The following CDS2 variants were observed in gnomAD, a reference collection of about 807,000 sequenced individuals.
The protein encoded by CDS2 is phosphatidate cytidylyltransferase 2.
CDS2 carries 47 observed loss-of-function variants against 59.0 expected under a neutral mutation model. The observed-to-expected ratio is 0.80, with a 90% confidence interval of 0.63 to 1.02. The LOEUF is 1.02. Among genes scored for constraint, CDS2 ranks in the 50% least tolerant of loss-of-function variants. The pLI is 0.00. For missense variants in CDS2, 356 were observed against 558.9 expected (o/e 0.64, Z 3.66); for synonymous variants, 207 against 206.4 (o/e 1.00, Z -0.02).
chr20:5,132,065 C>A (rs1248713237), intron 1 of CDS2, among the ~76,000 whole-genome samples: 1 of 151,846 alleles, frequency 6.6e-6, no homozygotes, highest in Non-Finnish European at 1.5e-5. Context: ...AAGGACTTAG[C>A]CTTCTATGAC....
rs759139026 is a variant in CDS2 at position 5,184,981 on chromosome 20, A to AG, written c.759+40dup. The AG allele has an allele frequency of 3.4e-6, 5 of 1,454,318 alleles. No individual in the cohort carries two copies. Among genetic ancestry groups the AG allele is most frequent in the Middle Eastern group, 3.5e-4 (2 of 5,762 alleles). The allele number at this position is 1,454,318 out of a possible 1,614,324, so 90.1% of individuals were successfully genotyped here. On this transcript the variant is annotated intron_variant, in intron 8 of 12. Transcript: ENST00000460006. This position sits in a 1 kb window ranked among gnomAD's most constrained non-coding sequence, Gnocchi z 4.3. ...TACCCTAATGTGAAATACCACTGTG[A>AG]GGGGAGGGTGGTGCTCTCAATGTGA...
At chr20:5,135,446 C>CTGTTTGTGTATCA (rs1568527022) in intron 1 of CDS2, among the ~76,000 whole-genome samples, 1 of 149,626 alleles carries the variant, frequency 6.7e-6, no homozygotes, top group African/African-American at 2.6e-5. Context: ...AAAAGTACAG[C>CTGTTTGTGTATCA]TGTTTGTGTG....
intron 1 of CDS2, among the ~76,000 whole-genome samples, chr20:5,144,650 C>G (rs1426644887): frequency 6.6e-6 from 1 of 152,134 alleles, no homozygotes; most frequent in Admixed American, 6.5e-5. Flanking sequence ...GAAACTTTTC[C>G]TACATGTTTC....
At chr20:5,151,927 G>A (rs1435954359) in intron 1 of CDS2, among the ~76,000 whole-genome samples, 2 of 150,778 alleles carry the variant, frequency 1.3e-5, no homozygotes, top group Non-Finnish European at 3.0e-5. Context: ...ACCATGCCCC[G>A]CTAATTTTGT....
intron 1 of CDS2, among the ~76,000 whole-genome samples, chr20:5,158,803 A>G (rs1277743477): frequency 2.0e-5 from 3 of 152,188 alleles, no homozygotes; most frequent in Non-Finnish European, 4.4e-5. Context: ...TGCATCCTCA[A>G]GTAGTAATAA....
intron 1 of CDS2, among the ~76,000 whole-genome samples, chr20:5,134,495 A>G (rs570632655): frequency 2.0e-5 from 3 of 152,266 alleles, no homozygotes; most frequent in African/African-American, 4.8e-5. Flanking sequence ...TTTTAAATCA[A>G]TAATATTTAA....
At chr20:5,159,859 G>A (rs542177208) in intron 1 of CDS2, among the ~76,000 whole-genome samples, 1 of 152,152 alleles carries the variant, frequency 6.6e-6, no homozygotes, top group East Asian at 1.9e-4. Context: ...AAAAAAATGG[G>A]GTTGTGCACC....
chr20:5,161,083 G>A (rs1295861915), intron 1 of CDS2, among the ~76,000 whole-genome samples: 1 of 152,152 alleles, frequency 6.6e-6, no homozygotes, highest in Admixed American at 6.5e-5. Context: ...TGGAATTGCT[G>A]AGTCATGTGG....
chr20:5,184,771 G>T lies in CDS2; in HGVS notation c.672-87G>T. On this transcript the variant is annotated intron_variant, in intron 7 of 12. Coordinates refer to ENST00000460006, the MANE Select transcript of CDS2 (RefSeq NM_003818.4). The surrounding 1 kb of genome is among the most constrained non-coding windows in gnomAD (Gnocchi z 4.3). ...CCAGAATTTTATGGGTGATTTTGGT[G>T]CTGGAATTTAAGAATGGCACTATTT... is the stretch of plus-strand genomic sequence containing the variant. The T allele has an allele frequency of 9.9e-7, 1 of 1,011,952 alleles. No homozygotes were observed. The highest frequency in any genetic ancestry group is 1.6e-6 in the Non-Finnish European group (1 of 637,658). 62.7% of individuals were successfully genotyped at this position (1,011,952 alleles called of 1,614,324 possible).
chr20:5,168,417 CA>C (rs71332877), intron 1 of CDS2, among the ~76,000 whole-genome samples: 259 of 71,510 alleles, frequency 3.6e-3, no homozygotes, highest in African/African-American at 6.5e-3. Flanking sequence ...TCTGTCCCCC[CA>C]AAAAAAAAAA....
chr20:5,178,788 C>G (rs1480251933), intron 4 of CDS2, 29 bp from the exon 5 acceptor site: 2 of 1,613,466 alleles, frequency 1.2e-6, no homozygotes, highest in Admixed American at 3.3e-5. Flanking sequence ...AGGGTGCTCC[C>G]CACGGCAATG....
At chr20:5,158,165 T>TC in intron 1 of CDS2, among the ~76,000 whole-genome samples, 1 of 104,444 alleles carries the variant, frequency 9.6e-6, no homozygotes, top group East Asian at 2.2e-4. Context: ...GCTTTAGGTC[T>TC]TTTTTTTTTT....
intron 1 of CDS2, among the ~76,000 whole-genome samples, chr20:5,167,130 C>G (rs59904955): frequency 0.026 from 3,945 of 152,250 alleles, 74 homozygotes; most frequent in East Asian, 0.08. Flanking sequence ...AGTGTTGTGT[C>G]CTCTACCAAG....
At chr20:5,181,132 G>A (rs929244482) in intron 5 of CDS2, among the ~76,000 whole-genome samples, 2 of 152,180 alleles carry the variant, frequency 1.3e-5, no homozygotes, top group Admixed American at 1.3e-4. Context: ...GGTAATTGTT[G>A]GAACCAAGCT....
intron 1 of CDS2, among the ~76,000 whole-genome samples, chr20:5,132,115 T>G (rs1299613553): frequency 6.6e-6 from 1 of 152,042 alleles, no homozygotes; most frequent in East Asian, 1.9e-4. Flanking sequence ...TTTTTTTTTT[T>G]GAGATGGAGT....
intron 5 of CDS2, among the ~76,000 whole-genome samples, chr20:5,179,667 G>A (rs1768395665): frequency 6.6e-6 from 1 of 152,180 alleles, no homozygotes; most frequent in Non-Finnish European, 1.5e-5. Context: ...ACTGGATTTG[G>A]GCGTAGACTC....
At position 5,184,888 on chromosome 20, in the gene CDS2, T is replaced by C; in HGVS notation, c.702T>C (p.Cys234=). Residue 234 remains cysteine, a synonymous_variant, in exon 8 of 13, where the codon TGT becomes TGC. Coordinates refer to ENST00000460006, the MANE Select transcript of CDS2 (RefSeq NM_003818.4). This position sits in a 1 kb window ranked among gnomAD's most constrained non-coding sequence, Gnocchi z 4.3. ...TTGTCCCCATATCTTGTGTGATCTG[T>C]AATGACATCATGGCCTATATGTTTG... ...WFIVPISCVI[C]NDIMAYMFGF... 3 of 1,614,040 alleles carry C rather than the reference T, an allele frequency of 1.9e-6. No individual in the cohort carries two copies. Among genetic ancestry groups the C allele is most frequent in the South Asian group, 1.1e-5 (1 of 91,084 alleles).
chr20:5,146,353 A>C (rs532014973), intron 1 of CDS2, among the ~76,000 whole-genome samples: 5 of 152,286 alleles, frequency 3.3e-5, no homozygotes, highest in Admixed American at 3.3e-4. Flanking sequence ...GAAGCAGAGG[A>C]GTCAGGGAAG....
rs1207913285 is a variant in CDS2 at position 5,195,308 on chromosome 20, G to C, written c.*5074G>C. ...CTGCCACCACCCTGCACACAGTCTGGGTCCCTCCGAGAGAAGCACGCCAAC... is the reference window on the plus strand; with the variant it reads ...CTGCCACCACCCTGCACACAGTCTGCGTCCCTCCGAGAGAAGCACGCCAAC... On this transcript the variant is annotated 3_prime_UTR_variant, in exon 13 of 13. Coordinates refer to ENST00000460006, the MANE Select transcript of CDS2 (RefSeq NM_003818.4). The C allele has an allele frequency of 2.0e-5, 3 of 152,412 alleles. No individual in the cohort carries two copies. The highest frequency in any genetic ancestry group is 4.4e-5 in the Non-Finnish European group (3 of 68,084). 9.4% of individuals were successfully genotyped at this position (152,412 alleles called of 1,614,324 possible).
Sources: allele counts gnomAD v4.1 joint callset (sites outside exome capture counted in the v4.1 genomes callset), GRCh38; gene constraint gnomAD v4.1.1; non-coding constraint Gnocchi (gnomAD v3.1); transcripts MANE v1.5; gene names NCBI Gene and HGNC (gene_info 2026-07-23, HGNC 2026-07-21).